Variants in PRL observed in about 807,000 individuals in gnomAD.
PRL encodes prolactin, also known as decidual prolactin.
Under a neutral mutation model 21.3 loss-of-function variants are expected in PRL, and 24 were observed. The ratio of observed to expected loss-of-function variants is 1.13; its 90% CI spans 0.82 to 1.59. The LOEUF (loss-of-function observed/expected upper bound fraction) is 1.59, where lower values mean the gene tolerates loss of function less well. Among genes scored for constraint, PRL ranks in the 40% most tolerant of loss-of-function variants. PRL has a pLI of 0.00. For missense variants in PRL, 243 were observed against 286.9 expected (o/e 0.85, Z 1.10); for synonymous variants, 118 against 115.7 (o/e 1.02, Z -0.13).
intron 1 of PRL, among the ~76,000 whole-genome samples, chr6:22,295,299 G>T (rs1433249251): frequency 6.6e-6 from 1 of 152,124 alleles, no homozygotes; most frequent in African/African-American, 2.4e-5. Flanking sequence ...GCTTAGGGAG[G>T]TTAAGTGATT....
In PRL at chr6:22,297,024, C is replaced by T; in HGVS notation, c.-42G>A. 6.2e-7 allele frequency: 1 copy of T among 1,609,312 alleles called. No individual in the cohort carries two copies. ...GGAAACACACTTCACCAGAGAAGAT[C>T]TGGAAGTCTCACGGTTTTCTCTTTC... is the stretch of plus-strand genomic sequence containing the variant. On this transcript the variant is annotated 5_prime_UTR_variant, in exon 1 of 5. Transcript: ENST00000306482.
intron 4 of PRL, among the ~76,000 whole-genome samples, chr6:22,289,053 G>T (rs1760992101): frequency 1.3e-5 from 2 of 152,112 alleles, no homozygotes; most frequent in Admixed American, 6.5e-5. Flanking sequence ...AAGGGATAAT[G>T]ATATGAACAA....
chr6:22,297,689 A>G (rs532237042), upstream of PRL, among the ~76,000 whole-genome samples: 2 of 152,254 alleles, frequency 1.3e-5, no homozygotes, highest in Admixed American at 6.5e-5. Context: ...TCATCTGTTT[A>G]TTTCTTTTGA....
At chr6:22,292,420 C>A in intron 3 of PRL, 118 bp downstream of exon 3, 1 of 931,286 alleles carries the variant, frequency 1.1e-6, no homozygotes. Context: ...ACTGCTTATT[C>A]TTCCTATATT....
intron 1 of PRL, 54 bp downstream of exon 1, chr6:22,296,901 T>G (rs1026736510): frequency 1.9e-6 from 3 of 1,567,034 alleles, no homozygotes. Flanking sequence ...TTCACATTAA[T>G]CCCCCCACAG....
intron 1 of PRL, among the ~76,000 whole-genome samples, chr6:22,302,740 A>G (rs1219033160): frequency 6.6e-6 from 1 of 152,202 alleles, no homozygotes; most frequent in African/African-American, 2.4e-5. Context: ...CTGAACATTA[A>G]TAAACTGTAG....
At chr6:22,289,147 C>A (rs1382996827) in intron 4 of PRL, among the ~76,000 whole-genome samples, 1 of 152,092 alleles carries the variant, frequency 6.6e-6, no homozygotes, top group Non-Finnish European at 1.5e-5. Context: ...ATGAGGTTTA[C>A]AGTAATGAAG....
chr6:22,293,542 A>G (rs2113508608), intron 2 of PRL, among the ~76,000 whole-genome samples: 1 of 152,034 alleles, frequency 6.6e-6, no homozygotes, highest in East Asian at 1.9e-4. Flanking sequence ...TAGGTTATTC[A>G]GAAATAGAGT....
At chr6:22,292,720 T>C in intron 2 of PRL, 75 bp from the exon 3 acceptor site, 2 of 1,173,254 alleles carry the variant, frequency 1.7e-6, no homozygotes, top group East Asian at 2.5e-5. Context: ...AGCAGAATAC[T>C]AATACCTTTG....
chr6:22,287,758 T>C (rs1471979215), intron 4 of PRL, among the ~76,000 whole-genome samples, 165 bp from the exon 5 acceptor site: 2 of 152,208 alleles, frequency 1.3e-5, no homozygotes, highest in Admixed American at 1.3e-4. Flanking sequence ...AGAAACCTAT[T>C]AATCTAAAAA....
Position 22,287,416 on chromosome 6 carries a change from T to G in PRL, c.670A>C (p.Asn224His). 1 of 1,613,338 alleles carries G rather than the reference T, an allele frequency of 6.2e-7. No homozygotes were observed. The change falls in exon 5 of 5, where the codon AAC becomes CAC. Residue 224 changes from asparagine (N) to histidine (H), a missense_variant. Physicochemically the swap from Asn to His is moderately conservative, Grantham distance 68. Transcript: ENST00000306482. ...TGGATGTGGGCTTAGCAGTTGTTGTTGTGGATGATTCGGCACTTCAGGAGC... is the reference window on the plus strand; with the variant it reads ...TGGATGTGGGCTTAGCAGTTGTTGTGGTGGATGATTCGGCACTTCAGGAGC... ...LKLLKCRIIH[N>H]NNC
upstream of PRL, among the ~76,000 whole-genome samples, chr6:22,297,937 G>T (rs1222733581): frequency 6.6e-6 from 1 of 152,202 alleles, no homozygotes; most frequent in Non-Finnish European, 1.5e-5. Context: ...GGAGTCATAT[G>T]AGGAAGGCTG....
At position 22,287,603 on chromosome 6, in the gene PRL, C is replaced by G; in HGVS notation, c.493-10G>C. On this transcript the variant is annotated splice_polypyrimidine_tract_variant and intron_variant, in intron 4 of 4. Coordinates refer to ENST00000306482, the MANE Select transcript of PRL (RefSeq NM_000948.6). ...TGGTTTCAGGATGAACCTAATCACACAAAAAAAGAGTGACTTATTCTTCAT... is the reference window on the plus strand; with the variant it reads ...TGGTTTCAGGATGAACCTAATCACAGAAAAAAAGAGTGACTTATTCTTCAT... 1 of 1,566,462 alleles carries G rather than the reference C, an allele frequency of 6.4e-7. No homozygotes were observed. Among genetic ancestry groups the G allele is most frequent in the Non-Finnish European group, 8.7e-7 (1 of 1,153,280 alleles).
At chr6:22,289,296 G>A (rs1474409325) in intron 4 of PRL, among the ~76,000 whole-genome samples, 1 of 152,108 alleles carries the variant, frequency 6.6e-6, no homozygotes, top group Non-Finnish European at 1.5e-5. Context: ...CACAAAAAGA[G>A]AAATACAAAA....
chr6:22,293,483 T>C (rs1761097434), intron 2 of PRL, among the ~76,000 whole-genome samples: 1 of 152,064 alleles, frequency 6.6e-6, no homozygotes, highest in Non-Finnish European at 1.5e-5. Flanking sequence ...CACTAATCTA[T>C]TGTCTGCTCC....
intron 1 of PRL, among the ~76,000 whole-genome samples, chr6:22,295,208 T>TC (rs1554116728): frequency 0.015 from 2,285 of 152,052 alleles, 47 homozygotes; most frequent in African/African-American, 0.052. Flanking sequence ...TAAATTTTTT[T>TC]TATATTTGAG....
At chr6:22,292,412 T>C (rs1420365702) in intron 3 of PRL, 126 bp downstream of exon 3, 2 of 862,174 alleles carry the variant, frequency 2.3e-6, no homozygotes, top group African/African-American at 3.4e-5. Context: ...ATTTTTTGAC[T>C]GCTTATTCTT....
intron 4 of PRL, among the ~76,000 whole-genome samples, 162 bp downstream of exon 4, chr6:22,290,012 T>C (rs1164501973): frequency 2.0e-5 from 3 of 152,204 alleles, no homozygotes; most frequent in Non-Finnish European, 2.9e-5. Flanking sequence ...TTTACATGTA[T>C]GTAAATTTAT....
At chr6:22,295,575 AC>A (rs1271626274) in intron 1 of PRL, among the ~76,000 whole-genome samples, 1 of 152,202 alleles carries the variant, frequency 6.6e-6, no homozygotes, top group African/African-American at 2.4e-5. Flanking sequence ...TGCTCTAATT[AC>A]AAAACACTCT....
Sources: gnomAD v4.1 joint callset for allele counts (sites outside exome capture counted in the v4.1 genomes callset) on GRCh38, gnomAD v4.1.1 for gene constraint, MANE v1.5 for transcripts, NCBI Gene and HGNC (gene_info 2026-07-23, HGNC 2026-07-21) for gene names.